Variants in DCC observed in about 807,000 individuals in gnomAD.
DCC encodes DCC netrin 1 receptor, also known as netrin receptor DCC.
Under a neutral mutation model 172.5 loss-of-function variants are expected in DCC, and 58 were observed. The observed-to-expected ratio is 0.34, with a 90% confidence interval of 0.27 to 0.42. DCC has a LOEUF of 0.42. Among genes scored for constraint, DCC ranks in the 10% least tolerant of loss-of-function variants. The pLI, the probability that DCC is intolerant of heterozygous loss-of-function variation, is 1.00. For missense variants in DCC, 1,740 were observed against 1,791.0 expected, an observed-to-expected ratio of 0.97 and a Z score of 0.51; for synonymous variants, 709 against 644.5, an observed-to-expected ratio of 1.10 and a Z score of -1.52.
At chr18:53,126,996 C>A (rs567625000) in intron 7 of DCC, among the ~76,000 whole-genome samples, 62 of 152,168 alleles carry the variant, frequency 4.1e-4, no homozygotes, top group African/African-American at 1.3e-3. Context: ...CGAGGCTTTC[C>A]AGGAGCCAAA....
intron 19 of DCC, 144 bp from the exon 20 acceptor site, chr18:53,410,308 G>A (rs1909904751): frequency 1.6e-6 from 1 of 643,038 alleles, no homozygotes; most frequent in Admixed American, 2.5e-5. Flanking sequence ...ATGAAAAAAA[G>A]ACATTACTTA....
intron 1 of DCC, among the ~76,000 whole-genome samples, chr18:52,694,633 C>G (rs544946618): frequency 1.3e-5 from 2 of 152,018 alleles, no homozygotes; most frequent in South Asian, 4.2e-4. Context: ...TTGCAGCAGG[C>G]TTTGCTGCAG....
intron 5 of DCC, among the ~76,000 whole-genome samples, chr18:52,927,066 CACACATAT>C (rs1408937913): frequency 2.4e-5 from 2 of 82,542 alleles, no homozygotes; most frequent in East Asian, 5.6e-4. Context: ...CACATATATA[CACACATAT>C]ATGTGTATAT....
At chr18:53,445,373 A>G (rs1212409148) in intron 22 of DCC, among the ~76,000 whole-genome samples, 1 of 152,168 alleles carries the variant, frequency 6.6e-6, no homozygotes, top group South Asian at 2.1e-4. Flanking sequence ...CTTTCATTGG[A>G]CCTCTTTCCT....
intron 2 of DCC, among the ~76,000 whole-genome samples, chr18:52,806,261 G>A (rs888471349): frequency 6.6e-6 from 1 of 152,110 alleles, no homozygotes; most frequent in Non-Finnish European, 1.5e-5. Flanking sequence ...TGTAAACCTC[G>A]CTCCCGTCAA....
At chr18:52,409,641 A>C (rs575665351) in intron 1 of DCC, among the ~76,000 whole-genome samples, 37 of 152,246 alleles carry the variant, frequency 2.4e-4, no homozygotes, top group African/African-American at 8.7e-4. Flanking sequence ...GGAACAAAGA[A>C]AAATCTAATT....
intron 7 of DCC, among the ~76,000 whole-genome samples, chr18:53,136,053 A>AT (rs141767033): frequency 0.016 from 2,379 of 152,128 alleles, 53 homozygotes; most frequent in African/African-American, 0.054. Flanking sequence ...TTTTCAATTG[A>AT]TTTTTTCCCT....
intron 12 of DCC, among the ~76,000 whole-genome samples, chr18:53,264,782 A>G (rs1175049231): frequency 6.6e-6 from 1 of 152,134 alleles, no homozygotes; most frequent in African/African-American, 2.4e-5. Context: ...AAGAATAAGG[A>G]TGGAAAAAAT....
At chr18:52,598,158 G>A (rs2033944883) in intron 1 of DCC, among the ~76,000 whole-genome samples, 1 of 152,128 alleles carries the variant, frequency 6.6e-6, no homozygotes, top group African/African-American at 2.4e-5. Context: ...ATTTATATCT[G>A]TAAATTTGGA....
rs146324122 is a variant in DCC at position 52,951,813 on chromosome 18, AATTGCAAACACATTACAAT to A, written c.985+26444_985+26462del. ...GGTCAACATTGTGTCATTTTGCATA[AATTGCAAACACATTACAAT>A]TTGTGTTATTATTACTAATAGTTGG... is the stretch of plus-strand genomic sequence containing the variant. On this transcript the variant is annotated intron_variant, in intron 5 of 28. Transcript: ENST00000442544. 2.0e-5 allele frequency among the ~76,000 whole-genome samples: 3 copies of A among 152,294 alleles called. 1 individual carries two copies. In the East Asian group the frequency reaches 5.8e-4, roughly 29 times the overall value.
intron 1 of DCC, among the ~76,000 whole-genome samples, chr18:52,715,378 C>T (rs890141475): frequency 1.3e-5 from 2 of 150,078 alleles, no homozygotes; most frequent in Admixed American, 1.3e-4. Context: ...CAGCTCACTG[C>T]AACCTCCACC....
intron 2 of DCC, among the ~76,000 whole-genome samples, chr18:52,784,418 G>A (rs1044439913): frequency 3.3e-5 from 5 of 151,978 alleles, no homozygotes; most frequent in African/African-American, 1.2e-4. Context: ...CCTCTCCATT[G>A]GATAAATACC....
At chr18:53,403,407 A>G (rs1202418930) in intron 19 of DCC, among the ~76,000 whole-genome samples, 1 of 152,228 alleles carries the variant, frequency 6.6e-6, no homozygotes, top group Non-Finnish European at 1.5e-5. Flanking sequence ...ATATTGACTG[A>G]CAGAAATTGA....
intron 1 of DCC, among the ~76,000 whole-genome samples, chr18:52,744,884 ATACT>A (rs2036883523): frequency 5.3e-5 from 8 of 152,350 alleles, no homozygotes; most frequent in African/African-American, 1.9e-4. Flanking sequence ...GTGATAAAGA[ATACT>A]GGATGAACCC....
At chr18:53,228,930 ATTTC>A (rs2056081233) in intron 12 of DCC, among the ~76,000 whole-genome samples, 1 of 152,060 alleles carries the variant, frequency 6.6e-6, no homozygotes, top group Non-Finnish European at 1.5e-5. Context: ...ATTGTTTTAT[ATTTC>A]TTTATTATTT....
chr18:52,712,322 G>A (rs1419480344), intron 1 of DCC, among the ~76,000 whole-genome samples: 1 of 152,084 alleles, frequency 6.6e-6, no homozygotes, highest in East Asian at 1.9e-4. Context: ...CACTATATGT[G>A]TGTAATATAA....
chr18:52,688,123 C>T lies in DCC; in HGVS notation c.92-63931C>T, dbSNP rs2035870715. Among the ~76,000 whole-genome samples, 3 of 115,838 alleles carry T rather than the reference C, an allele frequency of 2.6e-5. No individual in the cohort carries two copies. The East Asian group carries it at 6.9e-4, about 26-fold the overall frequency. 76.0% of individuals were successfully genotyped at this position (115,838 alleles called of 152,430 possible). On this transcript the variant is annotated intron_variant, in intron 1 of 28. Coordinates refer to ENST00000442544, the MANE Select transcript of DCC (RefSeq NM_005215.4). ...AGGAGTTTTGAAAATGTTCAGGGAT[C>T]TTCTTTTTTTTTTTTTTGGTATATT...
chr18:53,514,195 A>G (rs1004998906), intron 27 of DCC, among the ~76,000 whole-genome samples: 3 of 152,210 alleles, frequency 2.0e-5, no homozygotes, highest in African/African-American at 7.2e-5. Context: ...CTGCTCCTGA[A>G]TGACTATTGG....
chr18:52,394,328 G>A (rs751151325), intron 1 of DCC, among the ~76,000 whole-genome samples: 2 of 152,008 alleles, frequency 1.3e-5, no homozygotes, highest in African/African-American at 2.4e-5. Context: ...GTGCAGAAGT[G>A]TGATCATAGC....
Sources: gnomAD v4.1 joint callset for allele counts (sites outside exome capture counted in the v4.1 genomes callset) on GRCh38, gnomAD v4.1.1 for gene constraint, MANE v1.5 for transcripts, NCBI Gene and HGNC (gene_info 2026-07-23, HGNC 2026-07-21) for gene names.